The following STARD9 variants were observed in gnomAD, a reference collection of about 807,000 sequenced individuals.
STARD9 encodes stAR-related lipid transfer protein 9.
In STARD9, 346 loss-of-function variants were observed where a neutral mutation model predicts 399.8. The observed-to-expected ratio is 0.87, with a 90% CI of 0.79 to 0.95. The LOEUF (loss-of-function observed/expected upper bound fraction) is 0.95. Ranked by LOEUF, STARD9 falls within the 40% of genes least tolerant of loss-of-function variation. The pLI is 0.00. For missense variants in STARD9, 5,832 were observed against 5,667.5 expected (o/e 1.03, Z -0.93); for synonymous variants, 2,203 against 2,143.5 (o/e 1.03, Z -0.77).
At chr15:42,694,821 C>G in intron 24 of STARD9, 96 bp downstream of exon 24, 1 of 778,410 alleles carries the variant, frequency 1.3e-6, no homozygotes, top group Non-Finnish European at 1.9e-6. Flanking sequence ...GGAGGGTTCT[C>G]TATAGGAGAC....
At chr15:42,614,240 G>A (rs894769077) in intron 3 of STARD9, among the ~76,000 whole-genome samples, 1 of 151,970 alleles carries the variant, frequency 6.6e-6, no homozygotes. Flanking sequence ...GAACCTGGGA[G>A]GTGGAGGTTG....
In STARD9 at chr15:42,643,249, C is replaced by T. The variant is rs376650116; in HGVS notation, c.559+4437C>T. ...TCTTGCTTTGTCACCCAGGCTGGAG[C>T]GCAGTGGTAGGATCTCAGCTCACTG... On this transcript the variant is annotated intron_variant, in intron 7 of 32. Transcript: ENST00000290607. 2.1e-4 allele frequency among the ~76,000 whole-genome samples: 32 copies of T among 151,348 alleles called. 2 individuals are homozygous for T. The South Asian group carries it at 5.7e-3, about 27-fold the overall frequency.
intron 1 of STARD9, among the ~76,000 whole-genome samples, chr15:42,578,049 A>T: frequency 6.6e-6 from 1 of 152,194 alleles, no homozygotes; most frequent in Non-Finnish European, 1.5e-5. Flanking sequence ...GATTACAGAA[A>T]AGTTGCATTT....
chr15:42,694,400 C>G, intron 23 of STARD9, 58 bp downstream of exon 23: 1 of 1,532,452 alleles, frequency 6.5e-7, no homozygotes, highest in East Asian at 2.4e-5. Context: ...GGAAAGAGAA[C>G]CCAAGAAAGC....
intron 1 of STARD9, among the ~76,000 whole-genome samples, chr15:42,578,393 C>A (rs1220760008): frequency 1.3e-5 from 2 of 152,150 alleles, no homozygotes; most frequent in South Asian, 4.1e-4. Context: ...TGAGCCACCA[C>A]GCCCAGCCTG....
Position 42,685,130 on chromosome 15 carries a change from G to T in STARD9, c.3552G>T (p.Arg1184Ser). The change falls in exon 23 of 33, where the codon AGG (arginine) becomes AGT (serine). Residue 1184 changes from arginine to serine, a missense_variant. By Grantham distance (110) the Arg-to-Ser change is moderately radical (BLOSUM62 -1). Transcript: ENST00000290607. ...QPRTRTRASV[R>S]GFTAASDSDL... Reference sequence around the variant, plus strand: ...GGACCAGAACTAGAGCTTCTGTGAGGGGCTTCACTGCAGCCTCAGACAGTG... The same window carrying T: ...GGACCAGAACTAGAGCTTCTGTGAGTGGCTTCACTGCAGCCTCAGACAGTG... 1 of 1,537,194 alleles carries T rather than the reference G, an allele frequency of 6.5e-7. No individual in the cohort carries two copies. Among genetic ancestry groups the T allele is most frequent in the Non-Finnish European group, 8.7e-7 (1 of 1,146,924 alleles).
chr15:42,584,644 A>G (rs2058238557), intron 2 of STARD9, among the ~76,000 whole-genome samples: 1 of 152,156 alleles, frequency 6.6e-6, no homozygotes, highest in Non-Finnish European at 1.5e-5. Context: ...TGTTCTCCTC[A>G]GTACCTGGAG....
chr15:42,599,053 A>G (rs372681527), intron 3 of STARD9, among the ~76,000 whole-genome samples: 1 of 152,046 alleles, frequency 6.6e-6, no homozygotes, highest in East Asian at 1.9e-4. Flanking sequence ...CCTCCCAAGT[A>G]GCTGGGATTA....
At chr15:42,628,470 G>A (rs1255192197) in intron 3 of STARD9, among the ~76,000 whole-genome samples, 1 of 152,128 alleles carries the variant, frequency 6.6e-6, no homozygotes, top group Non-Finnish European at 1.5e-5. Context: ...TTAGTTGCCT[G>A]TGTTTCTGGT....
chr15:42,638,076 G>C lies in STARD9; in HGVS notation c.435G>C (p.Arg145Ser). Reference protein sequence around the residue: ...KDCASLPSSCRIKVSFLEIYN... With the variant: ...KDCASLPSSCSIKVSFLEIYN... Reference sequence around the variant, plus strand: ...GTGCCTCACTGCCTTCCTCCTGTAGGATAAAAGTAAGGTAAGAACCTCCCA... The same window carrying C: ...GTGCCTCACTGCCTTCCTCCTGTAGCATAAAAGTAAGGTAAGAACCTCCCA... The change falls in exon 6 of 33, where the codon AGG becomes AGC. Residue 145 changes from arginine to serine, a missense_variant. Physicochemically the swap from Arg to Ser is moderately radical, Grantham distance 110. Coordinates refer to ENST00000290607, the MANE Select transcript of STARD9 (RefSeq NM_020759.3). The C allele has an allele frequency of 6.5e-7, 1 of 1,537,078 alleles. No individual in the cohort carries two copies. The highest frequency in any genetic ancestry group is 8.7e-7 in the Non-Finnish European group (1 of 1,146,928).
At chr15:42,712,894 C>T (rs79774962) in intron 26 of STARD9, among the ~76,000 whole-genome samples, 4,398 of 152,230 alleles carry the variant, frequency 0.029, 179 homozygotes, top group African/African-American at 0.086. Context: ...AGGCATCTTC[C>T]AACTTTGTTC....
At chr15:42,642,102 G>C (rs919561887) in intron 7 of STARD9, among the ~76,000 whole-genome samples, 1 of 152,006 alleles carries the variant, frequency 6.6e-6, no homozygotes, top group Admixed American at 6.6e-5. Flanking sequence ...CTGTCTTAAG[G>C]CTTATCCATT....
Position 42,694,120 on chromosome 15 carries a change from C to T in STARD9, c.12542C>T (p.Pro4181Leu), listed in dbSNP as rs1414590446. Residue 4181 changes from proline (P) to leucine (L), a missense_variant, in exon 23 of 33, where the codon CCT becomes CTT. Transcript: ENST00000290607. ...SEKQEQSPPQ[P>L]PNDHSQDSEW... Reference sequence around the variant, plus strand: ...AAGCAGGAACAGAGTCCCCCACAACCTCCTAATGACCACAGCCAGGATTCT... The same window carrying T: ...AAGCAGGAACAGAGTCCCCCACAACTTCCTAATGACCACAGCCAGGATTCT... 2.0e-6 allele frequency: 3 copies of T among 1,536,830 alleles called. No homozygotes were observed. In the Admixed American group the frequency reaches 5.9e-5, roughly 30 times the overall value.
chr15:42,678,286 T>C (rs1251149947), intron 20 of STARD9, among the ~76,000 whole-genome samples: 1 of 152,198 alleles, frequency 6.6e-6, no homozygotes, highest in Non-Finnish European at 1.5e-5. Flanking sequence ...CTCCCTCTGC[T>C]CTTGGATGTG....
Position 42,686,589 on chromosome 15 carries a change from G to T in STARD9, c.5011G>T (p.Gly1671Cys), listed in dbSNP as rs1297268191. The T allele has an allele frequency of 2.6e-6, 4 of 1,537,456 alleles. No homozygotes were observed. The highest frequency in any genetic ancestry group is 3.5e-6 in the Non-Finnish European group (4 of 1,146,998). Residue 1671 changes from glycine to cysteine, a missense_variant, in exon 23 of 33, where the codon GGC (glycine) becomes TGC (cysteine). By Grantham distance (159) the Gly-to-Cys change is radical. Around this residue, in one of 2 missense-constraint regions of STARD9, gnomAD observed 5,828 missense variants for 5,651.1 expected, o/e 1.03. Transcript: ENST00000290607. Reference sequence around the variant, plus strand: ...CACCAAAGCAGACCATTGGTCCCAAGGCTGGGCTCCTCTCAGGAAAAATAG... The same window carrying T: ...CACCAAAGCAGACCATTGGTCCCAATGCTGGGCTCCTCTCAGGAAAAATAG... ...TATKADHWSQGWAPLRKNSAV... is the reference protein window; with the variant it reads ...TATKADHWSQCWAPLRKNSAV...
At chr15:42,610,290 T>C (rs1178012022) in intron 3 of STARD9, among the ~76,000 whole-genome samples, 1 of 152,176 alleles carries the variant, frequency 6.6e-6, no homozygotes, top group Non-Finnish European at 1.5e-5. Context: ...TGATTGGTTC[T>C]AGCCAGTGGG....
chr15:42,689,399 C>A lies in STARD9; in HGVS notation c.7821C>A (p.Thr2607=). Residue 2607 remains threonine (T), a synonymous_variant, in exon 23 of 33, where the codon ACC becomes ACA. Transcript: ENST00000290607. The stretch of plus-strand genomic sequence containing the variant: ...TAGACCAGTCATCATCAGACCAGAC[C>A]AGGAATGAGGGTGAAGCACCGGGAT... ...KQIDQSSSDQ[T]RNEGEAPGFH... 3 of 1,537,358 alleles carry A rather than the reference C, an allele frequency of 2.0e-6. No individual in the cohort carries two copies. The highest frequency in any genetic ancestry group is 2.6e-6 in the Non-Finnish European group (3 of 1,146,912).
At chr15:42,700,255 T>C (rs1275884048) in intron 26 of STARD9, among the ~76,000 whole-genome samples, 1 of 152,252 alleles carries the variant, frequency 6.6e-6, no homozygotes, top group Admixed American at 6.5e-5. Context: ...AGTGTAGATA[T>C]CTCTTTGACA....
At chr15:42,611,151 G>A (rs376949175) in intron 3 of STARD9, among the ~76,000 whole-genome samples, 12 of 152,216 alleles carry the variant, frequency 7.9e-5, no homozygotes, top group African/African-American at 2.9e-4. Context: ...TGATCTGTGG[G>A]CCAAATCTTG....
Sources: allele counts gnomAD v4.1 joint callset (sites outside exome capture counted in the v4.1 genomes callset), GRCh38; gene constraint gnomAD v4.1.1; regional missense constraint gnomAD v4.1.1; transcripts MANE v1.5; gene names NCBI Gene and HGNC (gene_info 2026-07-23, HGNC 2026-07-21).